CROCC2: variants seen among roughly 807,000 people sequenced by gnomAD.
CROCC2 encodes ciliary rootlet coiled-coil protein 2.
CROCC2 carries 163 observed loss-of-function variants against 177.6 expected under a neutral mutation model. The ratio of observed to expected loss-of-function variants is 0.92; its 90% confidence interval spans 0.81 to 1.05. The LOEUF is 1.05. CROCC2 is among the 50% of genes least tolerant of loss of function. The pLI, the probability that CROCC2 is intolerant of heterozygous loss-of-function variation, is 0.00. For missense variants in CROCC2, 1,929 were observed against 1,797.8 expected (o/e 1.07, Z -1.32); for synonymous variants, 904 against 787.3 (o/e 1.15, Z -2.48).
chr2:240,965,688 A>G lies in CROCC2; in HGVS notation c.3656A>G (p.His1219Arg). 1.3e-6 allele frequency: 2 copies of G among 1,550,318 alleles called. No homozygotes were observed. Among genetic ancestry groups the G allele is most frequent in the Non-Finnish European group, 1.7e-6 (2 of 1,146,890 alleles). The change falls in exon 24 of 32, where the codon CAT becomes CGT. Residue 1219 changes from histidine (H) to arginine (R), a missense_variant. By Grantham distance (29) the His-to-Arg change is conservative. Transcript: ENST00000690015. Reference protein sequence around the residue: ...LAEVEAAGEAHGQRLQEHLRE... With the variant: ...LAEVEAAGEARGQRLQEHLRE... ...GAGGTGGAGGCCGCAGGGGAGGCCC[A>G]TGGACAGCGGCTCCAGGAGCACCTC...
chr2:240,984,501 G>A (rs528074147), intron 28 of CROCC2, among the ~76,000 whole-genome samples: 11 of 151,824 alleles, frequency 7.2e-5, no homozygotes, highest in South Asian at 2.1e-4. Context: ...TCACCTGAGA[G>A]GCAGCTCTCT....
intron 20 of CROCC2, chr2:240,959,701 G>T (rs12468630): frequency 2.6e-6 from 1 of 385,300 alleles, no homozygotes; most frequent in Non-Finnish European, 4.6e-6. Flanking sequence ...ATTGGCTAAG[G>T]GAAGCTGACA....
chr2:240,963,026 T>C (rs995454784), intron 20 of CROCC2, among the ~76,000 whole-genome samples: 1 of 152,124 alleles, frequency 6.6e-6, no homozygotes, highest in Non-Finnish European at 1.5e-5. Context: ...AGGGAGTGGG[T>C]GAGCCCCCAC....
In CROCC2 at chr2:240,984,703, C is replaced by CCA. The variant is rs753239030; in HGVS notation, c.4551+1684_4551+1685dup. 2.5e-3 allele frequency among the ~76,000 whole-genome samples: 104 copies of CCA among 42,298 alleles called. 4 individuals carry two copies. The highest frequency in any genetic ancestry group is 4.3e-3 in the Non-Finnish European group (93 of 21,478). 27.7% of individuals were successfully genotyped at this position (42,298 alleles called of 152,430 possible). A position where few individuals can be genotyped will look rare whatever the true frequency, so the allele number is the denominator to read the frequency against. On this transcript the variant is annotated intron_variant, in intron 28 of 31. Coordinates refer to ENST00000690015, the MANE Select transcript of CROCC2 (RefSeq NM_001351305.2). ...ACACACACACACCCAGGCACTCACT[C>CCA]CACACACACACCCAGGCACTCAATC... is the stretch of plus-strand genomic sequence containing the variant.
chr2:240,957,950 G>A (rs2059604088), intron 19 of CROCC2: 1 of 984,880 alleles, frequency 1.0e-6, no homozygotes, highest in Non-Finnish European at 1.2e-6. Context: ...TGATGCCTCT[G>A]GCTCACAGAG....
At chr2:240,913,359 T>C (rs543392947) in intron 1 of CROCC2, among the ~76,000 whole-genome samples, 5 of 152,288 alleles carry the variant, frequency 3.3e-5, no homozygotes, top group African/African-American at 1.2e-4. Context: ...GAAGCCTGCG[T>C]GGGCGCCAGG....
chr2:240,950,913 A>ACCCATCCATCCACCCATT, intron 18 of CROCC2: 1 of 154,518 alleles, frequency 6.5e-6, no homozygotes, highest in Admixed American at 6.9e-5. Flanking sequence ...CCATCCATCC[A>ACCCATCCATCCACCCATT]GCCATCCATC....
At chr2:240,956,891 A>C (rs1261399119) in intron 19 of CROCC2, among the ~76,000 whole-genome samples, 2 of 152,070 alleles carry the variant, frequency 1.3e-5, no homozygotes, top group Non-Finnish European at 2.9e-5. Context: ...GCCCAGCGAT[A>C]GGACATAGAT....
At chr2:240,966,753 G>C (rs1470137561) in intron 25 of CROCC2, among the ~76,000 whole-genome samples, 1 of 152,224 alleles carries the variant, frequency 6.6e-6, no homozygotes, top group East Asian at 1.9e-4. Flanking sequence ...TCCCCTCAAT[G>C]CTCCCAAAGA....
At chr2:240,980,981 C>T (rs2059794033) in intron 27 of CROCC2, among the ~76,000 whole-genome samples, 1 of 91,576 alleles carries the variant, frequency 1.1e-5, no homozygotes, top group Non-Finnish European at 2.0e-5. Flanking sequence ...GGGGTAGGAG[C>T]CTCAGGATCC....
At chr2:240,990,338 C>T (rs928871568) in intron 30 of CROCC2, among the ~76,000 whole-genome samples, 4 of 152,122 alleles carry the variant, frequency 2.6e-5, no homozygotes, top group African/African-American at 9.7e-5. Flanking sequence ...CACTGCACAC[C>T]CACACATGCA....
At chr2:240,983,160 G>A (rs972552919) in intron 28 of CROCC2, 131 bp downstream of exon 28, 85 of 994,072 alleles carry the variant, frequency 8.6e-5, no homozygotes, top group Non-Finnish European at 1.2e-4. Flanking sequence ...GATGCTGGAG[G>A]CAGGTGAGCA....
At chr2:240,956,220 C>T in intron 19 of CROCC2, 1 of 517,716 alleles carries the variant, frequency 1.9e-6, no homozygotes, top group African/African-American at 1.9e-5. Flanking sequence ...AGCTTTGGGG[C>T]TGGCAGGGGC....
chr2:240,959,463 G>C lies in CROCC2; in HGVS notation c.3087+19G>C, dbSNP rs2059616675. On this transcript the variant is annotated intron_variant, in intron 20 of 31. Transcript: ENST00000690015. ...GAGAGAGGTGAGAGGCAGGGCTGGG[G>C]GGCTCCTGGGGATGCCAGAGGACAG... The C allele has an allele frequency of 1.3e-6, 2 of 1,548,276 alleles. No homozygotes were observed. Among genetic ancestry groups the C allele is most frequent in the East Asian group, 4.9e-5 (2 of 40,864 alleles).
intron 7 of CROCC2, among the ~76,000 whole-genome samples, chr2:240,931,379 C>T (rs1305422447): frequency 6.6e-6 from 1 of 152,224 alleles, no homozygotes; most frequent in African/African-American, 2.4e-5. Context: ...AGGGAACTCA[C>T]TGGGACTGCG....
chr2:240,970,216 G>C (rs906713162), intron 27 of CROCC2, among the ~76,000 whole-genome samples: 1 of 152,140 alleles, frequency 6.6e-6, no homozygotes. Context: ...CTTCGAATTT[G>C]AAGTTTCTCG....
At chr2:240,962,441 A>G (rs2059649413) in intron 20 of CROCC2, among the ~76,000 whole-genome samples, 1 of 151,982 alleles carries the variant, frequency 6.6e-6, no homozygotes, top group Non-Finnish European at 1.5e-5. Flanking sequence ...GTTTCTGCTG[A>G]GCTCGGCGGA....
Position 240,966,408 on chromosome 2 carries a change from G to A in CROCC2, c.4145G>A (p.Arg1382Gln), listed in dbSNP as rs1270881794. The A allele has an allele frequency of 2.5e-6, 1 of 401,010 alleles. No homozygotes were observed. 24.8% of individuals were successfully genotyped at this position (401,010 alleles called of 1,614,324 possible). A position where few individuals can be genotyped will look rare whatever the true frequency, so the allele number is the denominator to read the frequency against. Residue 1382 changes from arginine to glutamine, a missense_variant and splice_region_variant, in exon 25 of 32, where the codon CGG becomes CAG. Coordinates refer to ENST00000690015, the MANE Select transcript of CROCC2 (RefSeq NM_001351305.2). ...VQKLREAQRE[R>Q]DDSRIQMATL... ...AAGCTCCGGGAAGCCCAGCGGGAGC[G>A]GGTAATGGGGGCTGGGGTCCTCCCG...
At chr2:240,929,658 G>A (rs1311183344) in intron 5 of CROCC2, 3 of 455,814 alleles carry the variant, frequency 6.6e-6, no homozygotes, top group Non-Finnish European at 1.3e-5. Context: ...CCTTCGAAGT[G>A]CCAGACCAAC....
Sources: allele counts gnomAD v4.1 joint callset (sites outside exome capture counted in the v4.1 genomes callset), GRCh38; gene constraint gnomAD v4.1.1; transcripts MANE v1.5; gene names NCBI Gene and HGNC (gene_info 2026-07-23, HGNC 2026-07-21).